Variants in SLC44A4 observed in about 807,000 individuals in gnomAD.
SLC44A4 encodes the protein choline transporter-like protein 4.
Under a neutral mutation model 97.0 loss-of-function variants are expected in SLC44A4, and 74 were observed. The ratio of observed to expected loss-of-function variants is 0.76; its 90% CI spans 0.63 to 0.93. The LOEUF (loss-of-function observed/expected upper bound fraction) is 0.93. SLC44A4 is among the 40% of genes least tolerant of loss of function. The probability of loss-of-function intolerance (pLI) is 0.00; values close to 1 mark genes in which losing one functional copy is unlikely to be tolerated. For synonymous variants in SLC44A4, 325 were observed against 363.8 expected, an observed-to-expected ratio of 0.89 and a Z score of 1.21; for missense variants, 799 against 902.9, an observed-to-expected ratio of 0.88 and a Z score of 1.48.
rs368618742 is a variant in SLC44A4 at position 31,878,895 on chromosome 6, G to A, written c.40+46C>T. On this transcript the variant is annotated intron_variant, in intron 1 of 20. Transcript: ENST00000229729. This position sits in a 1 kb window ranked among gnomAD's most constrained non-coding sequence, Gnocchi z 4.0. Reference sequence around the variant, plus strand: ...CCCAGACACCATTCCCAAAGTACCCGTCCTCCCCTCCCTCCACAGGGTCCC... The same window carrying A: ...CCCAGACACCATTCCCAAAGTACCCATCCTCCCCTCCCTCCACAGGGTCCC... 79 of 1,601,084 alleles carry A rather than the reference G, an allele frequency of 4.9e-5. No homozygotes were observed. Among genetic ancestry groups the A allele is most frequent in the Middle Eastern group, 1.6e-4 (1 of 6,062 alleles).
rs1762662543 is a variant in SLC44A4 at position 31,863,488 on chromosome 6, A to G, written c.*139T>C. 1 of 1,235,864 alleles carries G rather than the reference A, an allele frequency of 8.1e-7. No individual in the cohort carries two copies. Among genetic ancestry groups the G allele is most frequent in the East Asian group, 2.9e-5 (1 of 34,580 alleles). 76.6% of individuals were successfully genotyped at this position (1,235,864 alleles called of 1,614,324 possible). A position where few individuals can be genotyped will look rare whatever the true frequency, so the allele number is the denominator to read the frequency against. On this transcript the variant is annotated 3_prime_UTR_variant, in exon 21 of 21. Transcript: ENST00000229729. The stretch of plus-strand genomic sequence containing the variant: ...TGATCCGCCCGCCTCAGCCTCTCAA[A>G]GTGTTGGATTACAGGCGTGAGCCAC...
chr6:31,877,220 G>C lies in SLC44A4; in HGVS notation c.41-138C>G. On this transcript the variant is annotated intron_variant, in intron 1 of 20. Transcript: ENST00000229729. This position sits in a 1 kb window ranked among gnomAD's most constrained non-coding sequence, Gnocchi z 6.5. Reference sequence around the variant, plus strand: ...GGGCTAGGGCAGGACTGGCAGGAGGGGAAAACTGGGGAGCAGGAAAGGTAG... The same window carrying C: ...GGGCTAGGGCAGGACTGGCAGGAGGCGAAAACTGGGGAGCAGGAAAGGTAG... 1.2e-6 allele frequency: 1 copy of C among 821,648 alleles called. No individual in the cohort carries two copies. The highest frequency in any genetic ancestry group is 2.6e-5 in the Admixed American group (1 of 38,896). The allele number at this position is 821,648 out of a possible 1,614,324, so 50.9% of individuals were successfully genotyped here. A position where few individuals can be genotyped will look rare whatever the true frequency, so the allele number is the denominator to read the frequency against.
chr6:31,872,933 A>G (rs964566036), intron 7 of SLC44A4, among the ~76,000 whole-genome samples: 2 of 151,686 alleles, frequency 1.3e-5, no homozygotes, highest in African/African-American at 4.9e-5. Context: ...GCTGGAGTGC[A>G]GTGGCACCAT....
In SLC44A4 at chr6:31,870,929, A is replaced by C. The variant is rs1763135274; in HGVS notation, c.820T>G (p.Tyr274Asp). 1 of 1,612,946 alleles carries C rather than the reference A, an allele frequency of 6.2e-7. No homozygotes were observed. Among genetic ancestry groups the C allele is most frequent in the Non-Finnish European group, 8.5e-7 (1 of 1,180,002 alleles). ...GVLGVLAYGI[Y>D]YCWEEYRVLR... ...ACTCGGTACTCCTCCCAGCAGTAGT[A>C]GATGCCGTATGCCAGCACGCCCAGC... The change falls in exon 10 of 21, where the codon TAC becomes GAC. Residue 274 changes from tyrosine (Y) to aspartate (D), a missense_variant. Physicochemically the swap from Tyr to Asp is radical, Grantham distance 160. This residue lies in a region of SLC44A4 where 409 missense variants were observed against 434.1 expected (regional missense o/e 0.94). Coordinates refer to ENST00000229729, the MANE Select transcript of SLC44A4 (RefSeq NM_025257.3).
At chr6:31,872,371 G>C (rs1763221183) in intron 7 of SLC44A4, among the ~76,000 whole-genome samples, 1 of 152,118 alleles carries the variant, frequency 6.6e-6, no homozygotes, top group African/African-American at 2.4e-5. Context: ...AAGCAACTGG[G>C]ACTATAGATG....
chr6:31,877,585 A>G lies in SLC44A4; in HGVS notation c.41-503T>C. The G allele has an allele frequency of 2.0e-6, 2 of 988,760 alleles. No individual in the cohort carries two copies. The highest frequency in any genetic ancestry group is 9.3e-5 in the South Asian group (2 of 21,468). 61.2% of individuals were successfully genotyped at this position (988,760 alleles called of 1,614,324 possible). A position where few individuals can be genotyped will look rare whatever the true frequency, so the allele number is the denominator to read the frequency against. ...TACCCTCTGGTTCAAGGCTATGGGGAAAGAAACTGGAGACAAAGGTGTCAA... is the reference window on the plus strand; with the variant it reads ...TACCCTCTGGTTCAAGGCTATGGGGGAAGAAACTGGAGACAAAGGTGTCAA... On this transcript the variant is annotated intron_variant, in intron 1 of 20. Transcript: ENST00000229729. The surrounding 1 kb of genome is among the most constrained non-coding windows in gnomAD (Gnocchi z 6.5).
chr6:31,877,178 G>T lies in SLC44A4; in HGVS notation c.41-96C>A. 1 of 1,282,010 alleles carries T rather than the reference G, an allele frequency of 7.8e-7. No homozygotes were observed. The highest frequency in any genetic ancestry group is 1.5e-5 in the African/African-American group (1 of 68,110). The allele number at this position is 1,282,010 out of a possible 1,614,324, so 79.4% of individuals were successfully genotyped here. The stretch of plus-strand genomic sequence containing the variant: ...GCCCCAGGATCCTACCCAGGCCTCA[G>T]GTGTTTGGAGGGAGATGGGCTAGGG... On this transcript the variant is annotated intron_variant, in intron 1 of 20. Transcript: ENST00000229729. This position sits in a 1 kb window ranked among gnomAD's most constrained non-coding sequence, Gnocchi z 6.5.
chr6:31,873,023 C>T (rs747963229), intron 7 of SLC44A4, among the ~76,000 whole-genome samples: 23 of 152,094 alleles, frequency 1.5e-4, no homozygotes, highest in Non-Finnish European at 2.6e-4. Flanking sequence ...ATTTCAGGTG[C>T]CCACCACCAC....
At position 31,865,197 on chromosome 6, in the gene SLC44A4, G is replaced by A; in HGVS notation, c.1761-117C>T. 2.6e-6 allele frequency: 4 copies of A among 1,525,140 alleles called. No individual in the cohort carries two copies. The highest frequency in any genetic ancestry group is 2.7e-6 in the Non-Finnish European group (3 of 1,099,482). The allele number at this position is 1,525,140 out of a possible 1,614,324, so 94.5% of individuals were successfully genotyped here. On this transcript the variant is annotated intron_variant, in intron 17 of 20. Coordinates refer to ENST00000229729, the MANE Select transcript of SLC44A4 (RefSeq NM_025257.3). The surrounding 1 kb of genome is among the most constrained non-coding windows in gnomAD (Gnocchi z 5.2). ...TGAAAATTGTTCACGTTTCAAGATG[G>A]CAAGAGCAGAGCACTAAACTAAGTC...
At chr6:31,869,790 G>C (rs929147450) in intron 11 of SLC44A4, among the ~76,000 whole-genome samples, 153 bp from the exon 12 acceptor site, 1 of 152,134 alleles carries the variant, frequency 6.6e-6, no homozygotes, top group Non-Finnish European at 1.5e-5. Flanking sequence ...TCGAGACCAT[G>C]CTGGCTAACA....
At chr6:31,872,076 C>T (rs1244567014) in intron 7 of SLC44A4, among the ~76,000 whole-genome samples, 1 of 152,072 alleles carries the variant, frequency 6.6e-6, no homozygotes, top group East Asian at 1.9e-4. Flanking sequence ...TCCATGACTC[C>T]CTGTTCAAAT....
Position 31,866,256 on chromosome 6 carries a change from G to A in SLC44A4, c.1234-130C>T, listed in dbSNP as rs140292252. Reference sequence around the variant, plus strand: ...GTGGGAAGTAGCTTCTCTGGACTGCGGGAATCAAGTTCTGTCGGAGAGTTC... The same window carrying A: ...GTGGGAAGTAGCTTCTCTGGACTGCAGGAATCAAGTTCTGTCGGAGAGTTC... On this transcript the variant is annotated intron_variant, in intron 13 of 20. Coordinates refer to ENST00000229729, the MANE Select transcript of SLC44A4 (RefSeq NM_025257.3). 3.8e-5 allele frequency: 46 copies of A among 1,203,226 alleles called. No homozygotes were observed. In the East Asian group the frequency reaches 7.4e-4, roughly 19 times the overall value. 74.5% of individuals were successfully genotyped at this position (1,203,226 alleles called of 1,614,324 possible). A position where few individuals can be genotyped will look rare whatever the true frequency, so the allele number is the denominator to read the frequency against.
Position 31,863,222 on chromosome 6 carries a change from A to G in SLC44A4, c.*405T>C, listed in dbSNP as rs912028987. ...TGAGTTAACAAAATATCTTTAATAA[A>G]ATCTTTTTGTTTGTTTGTTTTGTTT... On this transcript the variant is annotated 3_prime_UTR_variant, in exon 21 of 21. Transcript: ENST00000229729. The G allele has an allele frequency of 8.5e-6, 2 of 234,552 alleles. No individual in the cohort carries two copies. Among genetic ancestry groups the G allele is most frequent in the African/African-American group, 4.6e-5 (2 of 43,898 alleles). 14.5% of individuals were successfully genotyped at this position (234,552 alleles called of 1,614,324 possible). A position where few individuals can be genotyped will look rare whatever the true frequency, so the allele number is the denominator to read the frequency against.
chr6:31,863,819 C>T, intron 20 of SLC44A4, 71 bp from the exon 21 acceptor site: 1 of 1,597,272 alleles, frequency 6.3e-7, no homozygotes, highest in Non-Finnish European at 8.5e-7. Context: ...GGCAAGCTGC[C>T]TGCGGGATTT....
intron 12 of SLC44A4, 95 bp from the exon 13 acceptor site, chr6:31,869,352 G>T: frequency 9.4e-7 from 1 of 1,058,266 alleles, no homozygotes; most frequent in Non-Finnish European, 1.4e-6. Context: ...CAGATCGTTT[G>T]CTGCACAGAG....
chr6:31,878,468 C>G lies in SLC44A4; in HGVS notation c.40+473G>C, dbSNP rs930378323. Among the ~76,000 whole-genome samples the G allele has an allele frequency of 1.3e-5, 2 of 152,094 alleles. No individual in the cohort carries two copies. Among genetic ancestry groups the G allele is most frequent in the Non-Finnish European group, 2.9e-5 (2 of 67,996 alleles). On this transcript the variant is annotated intron_variant, in intron 1 of 20. Coordinates refer to ENST00000229729, the MANE Select transcript of SLC44A4 (RefSeq NM_025257.3). The surrounding 1 kb of genome is among the most constrained non-coding windows in gnomAD (Gnocchi z 4.0). ...AAGGGAGCCGGCAGACCACAAGCAG[C>G]TTTCGCCCTCAGAGACCCAGACTCC...
Position 31,871,332 on chromosome 6 carries a change from G to T in SLC44A4, c.683C>A (p.Ser228Tyr), listed in dbSNP as rs758837470. The T allele has an allele frequency of 1.2e-6, 2 of 1,614,156 alleles. No homozygotes were observed. Among genetic ancestry groups the T allele is most frequent in the Non-Finnish European group, 1.7e-6 (2 of 1,180,002 alleles). The stretch of plus-strand genomic sequence containing the variant: ...GACTCACACAAGAATCCAATACCAG[G>T]ACTGGGCAAAATCTTCAAAGATCTT... ...SVKIFEDFAQ[S>Y]WYWILVALGV... Residue 228 changes from serine (S) to tyrosine (Y), a missense_variant, in exon 9 of 21, where the codon TCC becomes TAC. By Grantham distance (144) the Ser-to-Tyr change is moderately radical. Around this residue, in one of 3 missense-constraint regions of SLC44A4, gnomAD observed 409 missense variants for 434.1 expected, o/e 0.94. Coordinates refer to ENST00000229729, the MANE Select transcript of SLC44A4 (RefSeq NM_025257.3).
At chr6:31,868,610 A>G (rs1247301270) in intron 13 of SLC44A4, among the ~76,000 whole-genome samples, 1 of 152,152 alleles carries the variant, frequency 6.6e-6, no homozygotes, top group African/African-American at 2.4e-5. Context: ...CAGCCCGGGT[A>G]ACACAGCAAG....
In SLC44A4 at chr6:31,874,921, G is replaced by A; in HGVS notation, c.342+8C>T. The A allele has an allele frequency of 6.2e-7, 1 of 1,613,816 alleles. No homozygotes were observed. Among genetic ancestry groups the A allele is most frequent in the Non-Finnish European group, 8.5e-7 (1 of 1,179,906 alleles). On this transcript the variant is annotated splice_region_variant and intron_variant, in intron 5 of 20. Transcript: ENST00000229729. This position sits in a 1 kb window ranked among gnomAD's most constrained non-coding sequence, Gnocchi z 4.8. The stretch of plus-strand genomic sequence containing the variant: ...GATCTGGGGTAGAGGCAGGTCCCAG[G>A]CTCTGACCTGGGGTGTGGGGCACTG...
Sources: allele counts gnomAD v4.1 joint callset (sites outside exome capture counted in the v4.1 genomes callset), GRCh38; gene constraint gnomAD v4.1.1; regional missense constraint gnomAD v4.1.1; non-coding constraint Gnocchi (gnomAD v3.1); transcripts MANE v1.5; gene names NCBI Gene and HGNC (gene_info 2026-07-23, HGNC 2026-07-21).